The following RAB31 variants were observed in gnomAD, a reference collection of about 807,000 sequenced individuals.
RAB31 encodes the protein ras-related protein Rab-31.
RAB31 carries 21 observed loss-of-function variants against 25.6 expected under a neutral mutation model. That is an observed-to-expected ratio of 0.82 (90% CI 0.58 to 1.18). RAB31 has a LOEUF of 1.18. Ranked by LOEUF, RAB31 falls within the 50% of genes most tolerant of loss-of-function variation. The probability of loss-of-function intolerance (pLI) is 0.00; values close to 1 mark genes in which losing one functional copy is unlikely to be tolerated. For missense variants in RAB31, 196 were observed against 250.1 expected (o/e 0.78, Z 1.46); for synonymous variants, 87 against 84.0 (o/e 1.04, Z -0.20).
At chr18:9,775,954 A>G (rs764242199) in intron 2 of RAB31, among the ~76,000 whole-genome samples, 8 of 151,768 alleles carry the variant, frequency 5.3e-5, no homozygotes, top group Admixed American at 3.9e-4. Context: ...ATGCCTGGCT[A>G]TTTTTTTGTA....
At chr18:9,775,481 C>A in intron 2 of RAB31, 124 bp downstream of exon 2, 1 of 1,501,302 alleles carries the variant, frequency 6.7e-7, no homozygotes, top group Non-Finnish European at 9.0e-7. Context: ...GAGAATCAAT[C>A]CCAGCTGTAG....
chr18:9,857,666 TA>T (rs1161619148), intron 6 of RAB31, among the ~76,000 whole-genome samples: 2 of 125,368 alleles, frequency 1.6e-5, no homozygotes, highest in African/African-American at 5.7e-5. Flanking sequence ...GATAGATAGA[TA>T]GATAGATAGA....
intron 5 of RAB31, among the ~76,000 whole-genome samples, chr18:9,840,437 A>AG (rs1002983748): frequency 2.6e-5 from 4 of 152,140 alleles, no homozygotes; most frequent in African/African-American, 9.7e-5. Flanking sequence ...TAATGACGGG[A>AG]GGCCTGTGGT....
At chr18:9,846,772 A>G (rs1489356701) in intron 6 of RAB31, among the ~76,000 whole-genome samples, 1 of 152,114 alleles carries the variant, frequency 6.6e-6, no homozygotes, top group African/African-American at 2.4e-5. Flanking sequence ...CACAGGAGGG[A>G]ATCTTTTGTT....
At chr18:9,838,078 G>A (rs2068714087) in intron 5 of RAB31, among the ~76,000 whole-genome samples, 1 of 152,134 alleles carries the variant, frequency 6.6e-6, no homozygotes. Flanking sequence ...TAACACTTAT[G>A]GTGTGCCCGG....
chr18:9,829,091 A>G (rs191009127), intron 5 of RAB31, among the ~76,000 whole-genome samples: 1 of 152,312 alleles, frequency 6.6e-6, no homozygotes, highest in East Asian at 1.9e-4. Flanking sequence ...TTAAAGAAGA[A>G]TATATAAAAC....
At chr18:9,793,245 T>C (rs1421093033) in intron 3 of RAB31, among the ~76,000 whole-genome samples, 3 of 152,078 alleles carry the variant, frequency 2.0e-5, no homozygotes, top group African/African-American at 7.2e-5. Flanking sequence ...GGCTGATTTT[T>C]TTTTTTTCTT....
intron 1 of RAB31, among the ~76,000 whole-genome samples, chr18:9,768,051 A>G (rs2068325306): frequency 6.6e-6 from 1 of 152,136 alleles, no homozygotes; most frequent in South Asian, 2.1e-4. Flanking sequence ...ACATGAACTC[A>G]TCCTTTTTTA....
chr18:9,762,796 C>T (rs1301178159), intron 1 of RAB31, among the ~76,000 whole-genome samples: 4 of 152,180 alleles, frequency 2.6e-5, no homozygotes, highest in South Asian at 2.1e-4. Context: ...AGTGGTGGTG[C>T]GGGCTTCCTT....
At chr18:9,716,470 A>G (rs2068045005) in intron 1 of RAB31, among the ~76,000 whole-genome samples, 2 of 152,196 alleles carry the variant, frequency 1.3e-5, no homozygotes, top group Non-Finnish European at 2.9e-5. Context: ...GAAGGTAGGG[A>G]AAATAAATCA....
intron 6 of RAB31, among the ~76,000 whole-genome samples, chr18:9,851,516 T>C (rs2068789130): frequency 6.6e-6 from 1 of 152,208 alleles, no homozygotes; most frequent in Non-Finnish European, 1.5e-5. Flanking sequence ...AATTGAGGCC[T>C]GGAGAGGCTT....
chr18:9,859,582 T>A lies in RAB31; in HGVS notation c.*257T>A. 3.2e-6 allele frequency: 1 copy of A among 309,326 alleles called. No homozygotes were observed. Among genetic ancestry groups the A allele is most frequent in the Non-Finnish European group, 5.5e-6 (1 of 180,316 alleles). 19.2% of individuals were successfully genotyped at this position (309,326 alleles called of 1,614,324 possible). A position where few individuals can be genotyped will look rare whatever the true frequency, so the allele number is the denominator to read the frequency against. On this transcript the variant is annotated 3_prime_UTR_variant, in exon 7 of 7. Transcript: ENST00000578921. ...TGCACATGGAGGGGATGTAGTTGCA[T>A]TTTTGCTAAAAAAAAAAAAAAACCT...
chr18:9,721,517 G>A (rs1408409072), intron 1 of RAB31, among the ~76,000 whole-genome samples: 1 of 152,028 alleles, frequency 6.6e-6, no homozygotes, highest in Non-Finnish European at 1.5e-5. Context: ...TCAGGAGGCT[G>A]AGGCAGGAGA....
chr18:9,733,316 C>T (rs1280498340), intron 1 of RAB31, among the ~76,000 whole-genome samples: 1 of 152,138 alleles, frequency 6.6e-6, no homozygotes, highest in Non-Finnish European at 1.5e-5. Flanking sequence ...AGTCACTCCT[C>T]CCACCAGGTT....
intron 3 of RAB31, among the ~76,000 whole-genome samples, chr18:9,810,880 G>C (rs2068566906): frequency 6.6e-6 from 1 of 152,158 alleles, no homozygotes; most frequent in African/African-American, 2.4e-5. Flanking sequence ...TGGGCATTTT[G>C]TATAATTGGG....
chr18:9,715,165 A>T (rs2068037637), intron 1 of RAB31, among the ~76,000 whole-genome samples: 1 of 152,000 alleles, frequency 6.6e-6, no homozygotes, highest in African/African-American at 2.4e-5. Flanking sequence ...ATATGGTGGG[A>T]GTCAAATACA....
At chr18:9,824,944 CA>C (rs2068642720) in intron 5 of RAB31, among the ~76,000 whole-genome samples, 1 of 152,214 alleles carries the variant, frequency 6.6e-6, no homozygotes, top group South Asian at 2.1e-4. Flanking sequence ...AGTAGGTGCT[CA>C]GGGGTGTAAC....
At position 9,721,989 on chromosome 18, in the gene RAB31, CAGAG is replaced by C. The variant is rs2068075829; in HGVS notation, c.39+13548_39+13551del. 3.3e-5 allele frequency among the ~76,000 whole-genome samples: 5 copies of C among 152,140 alleles called. No individual in the cohort carries two copies. The South Asian group carries it at 1.0e-3, about 32-fold the overall frequency. On this transcript the variant is annotated intron_variant, in intron 1 of 6. Transcript: ENST00000578921. ...CAGGGCAGCCATGTGTGCCACCAGACAGAGAGGTCTGTGAGGCTGGAGCAGGGTG... is the reference window on the plus strand; with the variant it reads ...CAGGGCAGCCATGTGTGCCACCAGACAGGTCTGTGAGGCTGGAGCAGGGTG...
chr18:9,713,440 G>A (rs1308557128), intron 1 of RAB31, among the ~76,000 whole-genome samples: 1 of 152,116 alleles, frequency 6.6e-6, no homozygotes, highest in Non-Finnish European at 1.5e-5. Flanking sequence ...TATGTTACAC[G>A]AGAATAAATA....
Sources: allele counts gnomAD v4.1 joint callset (sites outside exome capture counted in the v4.1 genomes callset), GRCh38; gene constraint gnomAD v4.1.1; transcripts MANE v1.5; gene names NCBI Gene and HGNC (gene_info 2026-07-23, HGNC 2026-07-21).